PLXDC1: variants seen among roughly 807,000 people sequenced by gnomAD.
PLXDC1 encodes plexin domain containing 1.
Under a neutral mutation model 61.3 loss-of-function variants are expected in PLXDC1, and 39 were observed. The observed-to-expected ratio is 0.64, with a 90% confidence interval of 0.49 to 0.83. The LOEUF (loss-of-function observed/expected upper bound fraction) is 0.83, where lower values mean the gene tolerates loss of function less well. Ranked by LOEUF, PLXDC1 falls within the 40% of genes least tolerant of loss-of-function variation. PLXDC1 has a pLI of 0.00. For missense variants in PLXDC1, 596 were observed against 666.5 expected, an observed-to-expected ratio of 0.89 and a Z score of 1.17; for synonymous variants, 212 against 254.5, an observed-to-expected ratio of 0.83 and a Z score of 1.59.
intron 13 of PLXDC1, 89 bp from the exon 14 acceptor site, chr17:39,068,048 G>A (rs1908963831): frequency 5.2e-6 from 7 of 1,342,560 alleles, no homozygotes; most frequent in Non-Finnish European, 6.2e-6. Flanking sequence ...AACCAAGACT[G>A]TCTCTTATAA....
intron 2 of PLXDC1, among the ~76,000 whole-genome samples, chr17:39,124,213 C>T (rs1673852): frequency 0.083 from 12,592 of 152,290 alleles, 560 homozygotes; most frequent in East Asian, 0.12. Context: ...GGATTTTTTG[C>T]AAAGCACAGT....
At position 39,108,166 on chromosome 17, in the gene PLXDC1, G is replaced by T. The variant is rs1245835182; in HGVS notation, c.549C>A (p.Asn183Lys). 4 of 1,614,088 alleles carry T rather than the reference G, an allele frequency of 2.5e-6. No homozygotes were observed. The highest frequency in any genetic ancestry group is 3.4e-6 in the Non-Finnish European group (4 of 1,180,022). The change falls in exon 5 of 14, where the codon AAC (asparagine) becomes AAA (lysine). Residue 183 changes from asparagine (N) to lysine (K), a missense_variant. Physicochemically the swap from Asn to Lys is moderately conservative, Grantham distance 94. Transcript: ENST00000315392. ...CTGTGGAGTTGTCGGAGTAGCCAGG[G>T]TTGAAGTTGGCCATCAGGGGCGCCA... ...QYVAPLMANFNPGYSDNSTVV... is the reference protein window; with the variant it reads ...QYVAPLMANFKPGYSDNSTVV...
In PLXDC1 at chr17:39,105,946, A is replaced by G; in HGVS notation, c.719T>C (p.Met240Thr). 2 of 1,612,872 alleles carry G rather than the reference A, an allele frequency of 1.2e-6. No homozygotes were observed. Among genetic ancestry groups the G allele is most frequent in the Non-Finnish European group, 1.7e-6 (2 of 1,178,936 alleles). ...GGAGGAGCTGATTTCCGGGACAGACATAGGGATCTGCGGCAGGGAGAAGAG... is the reference window on the plus strand; with the variant it reads ...GGAGGAGCTGATTTCCGGGACAGACGTAGGGATCTGCGGCAGGGAGAAGAG... Reference protein sequence around the residue: ...RIVFAYKEIPMSVPEISSSQH... With the variant: ...RIVFAYKEIPTSVPEISSSQH... The change falls in exon 7 of 14, where the codon ATG (methionine) becomes ACG (threonine). Residue 240 changes from methionine to threonine, a missense_variant. Met to Thr is a moderately conservative substitution (Grantham distance 81). Transcript: ENST00000315392.
chr17:39,085,492 C>T (rs1392845164), intron 8 of PLXDC1, among the ~76,000 whole-genome samples: 1 of 152,156 alleles, frequency 6.6e-6, no homozygotes, highest in East Asian at 1.9e-4. Flanking sequence ...GGAACTGAGG[C>T]TTGGAGAGAG....
At chr17:39,120,056 C>A (rs1163711627) in intron 2 of PLXDC1, among the ~76,000 whole-genome samples, 1 of 152,148 alleles carries the variant, frequency 6.6e-6, no homozygotes, top group African/African-American at 2.4e-5. Context: ...AGAATGGACT[C>A]TGTGGCAATA....
At position 39,068,130 on chromosome 17, in the gene PLXDC1, C is replaced by T. The variant is rs549451607; in HGVS notation, c.1384-171G>A. Among the ~76,000 whole-genome samples the T allele has an allele frequency of 1.0e-3, 157 of 152,322 alleles. 1 individual carries two copies. Among genetic ancestry groups the T allele is most frequent in the African/African-American group, 3.5e-3 (146 of 41,574 alleles). ...CAGGGACCCTCTCCCTAAAATGTTC[C>T]GTGCTGTGATCCCCCAACCACTGGG... is the stretch of plus-strand genomic sequence containing the variant. On this transcript the variant is annotated intron_variant, in intron 13 of 13. Transcript: ENST00000315392.
intron 7 of PLXDC1, among the ~76,000 whole-genome samples, chr17:39,091,421 G>A (rs763849294): frequency 7.2e-5 from 11 of 152,052 alleles, no homozygotes; most frequent in African/African-American, 1.4e-4. Context: ...TCCTTCCTTC[G>A]CCCGACTCCT....
chr17:39,079,091 T>G lies in PLXDC1; in HGVS notation c.1050+13A>C, dbSNP rs1309564479. On this transcript the variant is annotated intron_variant, in intron 10 of 13. Coordinates refer to ENST00000315392, the MANE Select transcript of PLXDC1 (RefSeq NM_020405.5). Reference sequence around the variant, plus strand: ...CTGGCACAGGAGTTGCAGCAGATACTTATGCTTCTCACCTCCTGTGCACAG... The same window carrying G: ...CTGGCACAGGAGTTGCAGCAGATACGTATGCTTCTCACCTCCTGTGCACAG... 1.2e-6 allele frequency: 2 copies of G among 1,610,790 alleles called. No homozygotes were observed. The highest frequency in any genetic ancestry group is 1.7e-5 in the Admixed American group (1 of 60,006).
At chr17:39,078,239 G>A (rs1415093149) in intron 10 of PLXDC1, among the ~76,000 whole-genome samples, 191 bp from the exon 11 acceptor site, 1 of 152,220 alleles carries the variant, frequency 6.6e-6, no homozygotes, top group Non-Finnish European at 1.5e-5. Flanking sequence ...TCAAAAGTAG[G>A]CGGCTGGACA....
intron 3 of PLXDC1, 130 bp from the exon 4 acceptor site, chr17:39,109,103 C>T: frequency 7.6e-7 from 1 of 1,314,388 alleles, no homozygotes; most frequent in East Asian, 2.4e-5. Flanking sequence ...GGCACCCCAA[C>T]TCTGGCAAAG....
Position 39,108,215 on chromosome 17 carries a change from C to T in PLXDC1, c.500G>A (p.Arg167Gln), listed in dbSNP as rs1372104971. Residue 167 changes from arginine (R) to glutamine (Q), a missense_variant, in exon 5 of 14, where the codon CGG (arginine) becomes CAG (glutamine). By Grantham distance (43) the Arg-to-Gln change is conservative. Coordinates refer to ENST00000315392, the MANE Select transcript of PLXDC1 (RefSeq NM_020405.5). ...GFIFMGDVIH[R>Q]MLTATQYVAP... ...CACATACTGAGTAGCTGTGAGCATC[C>T]GATGGATCACGTCCCCCATGAAGAT... 13 of 1,613,924 alleles carry T rather than the reference C, an allele frequency of 8.1e-6. No homozygotes were observed. The highest frequency in any genetic ancestry group is 2.2e-5 in the South Asian group (2 of 91,080).
At chr17:39,123,446 T>C (rs964923076) in intron 2 of PLXDC1, among the ~76,000 whole-genome samples, 7 of 152,170 alleles carry the variant, frequency 4.6e-5, no homozygotes, top group African/African-American at 1.4e-4. Context: ...CGCCTCGGCC[T>C]CCCAAAGTGC....
chr17:39,066,902 C>G lies in PLXDC1; in HGVS notation c.*938G>C, dbSNP rs1908917291. ...CCTGGCCAAGGACCAGCTTGTGAGT[C>G]TAGGGAACCTGGAATGCAGCAGCCC... On this transcript the variant is annotated 3_prime_UTR_variant, in exon 14 of 14. Coordinates refer to ENST00000315392, the MANE Select transcript of PLXDC1 (RefSeq NM_020405.5). 1.3e-5 allele frequency: 2 copies of G among 152,254 alleles called. No homozygotes were observed. Among genetic ancestry groups the G allele is most frequent in the Admixed American group, 6.5e-5 (1 of 15,270 alleles). The allele number at this position is 152,254 out of a possible 1,614,324, so 9.4% of individuals were successfully genotyped here. A position where few individuals can be genotyped will look rare whatever the true frequency, so the allele number is the denominator to read the frequency against.
At chr17:39,112,845 G>C (rs923942799) in intron 2 of PLXDC1, among the ~76,000 whole-genome samples, 1 of 152,120 alleles carries the variant, frequency 6.6e-6, no homozygotes, top group South Asian at 2.1e-4. Flanking sequence ...TGATCTGTGG[G>C]TGAGGGGAAA....
At chr17:39,101,717 G>C (rs1294550424) in intron 7 of PLXDC1, among the ~76,000 whole-genome samples, 2 of 152,132 alleles carry the variant, frequency 1.3e-5, no homozygotes, top group East Asian at 1.9e-4. Flanking sequence ...GTTATGCTGA[G>C]AGCTGAATTA....
In PLXDC1 at chr17:39,129,179, G is replaced by A. The variant is rs139956458; in HGVS notation, c.255+10475C>T. 2.6e-4 allele frequency among the ~76,000 whole-genome samples: 39 copies of A among 151,980 alleles called. 3 individuals carry two copies. In the East Asian group the frequency reaches 7.2e-3, roughly 28 times the overall value. ...CTAAAAATACAAAAATTAGCTGGGC[G>A]TGGTGGCACACACCTGTAATCCCAG... On this transcript the variant is annotated intron_variant, in intron 2 of 13. Transcript: ENST00000315392.
intron 2 of PLXDC1, among the ~76,000 whole-genome samples, chr17:39,110,407 G>T (rs1427894960): frequency 6.6e-6 from 1 of 152,222 alleles, no homozygotes; most frequent in Non-Finnish European, 1.5e-5. Flanking sequence ...TGGGCTGGGG[G>T]TTCATTCTGC....
intron 2 of PLXDC1, among the ~76,000 whole-genome samples, chr17:39,114,911 A>G (rs577231050): frequency 6.6e-6 from 1 of 152,292 alleles, no homozygotes; most frequent in South Asian, 2.1e-4. Context: ...GGCGTCTGAA[A>G]TGAGTGCCCG....
intron 7 of PLXDC1, among the ~76,000 whole-genome samples, chr17:39,091,883 C>T (rs745755539): frequency 2.1e-4 from 31 of 148,812 alleles, no homozygotes; most frequent in African/African-American, 6.9e-4. Flanking sequence ...TGCTTGAACC[C>T]GGGAGGTGGA....
Sources: allele counts gnomAD v4.1 joint callset (sites outside exome capture counted in the v4.1 genomes callset), GRCh38; gene constraint gnomAD v4.1.1; transcripts MANE v1.5; gene names NCBI Gene and HGNC (gene_info 2026-07-23, HGNC 2026-07-21).